The following NOL8 variants were observed in gnomAD, a reference collection of about 807,000 sequenced individuals.
The protein encoded by NOL8 is nucleolar protein 8.
Under a neutral mutation model 116.1 loss-of-function variants are expected in NOL8, and 93 were observed. The observed-to-expected ratio is 0.80, with a 90% CI of 0.68 to 0.95. NOL8 has a LOEUF of 0.95. Among genes scored for constraint, NOL8 ranks in the 40% least tolerant of loss-of-function variants. NOL8 has a pLI of 0.00. For synonymous variants in NOL8, 419 were observed against 469.0 expected (o/e 0.89, Z 1.38); for missense variants, 1,291 against 1,382.8 (o/e 0.93, Z 1.05).
rs774176859 is a variant in NOL8 at position 92,311,229 on chromosome 9, T to G, written c.2389A>C (p.Ile797Leu). ...CATTCACTGTCAGAACCGAAGATGA[T>G]GTGCGTTGGCTTATCCTCTGGATGA... Reference protein sequence around the residue: ...DGHPEDKPTHIIFGSDSECET... With the variant: ...DGHPEDKPTHLIFGSDSECET... The change falls in exon 8 of 17, where the codon ATC becomes CTC. Residue 797 changes from isoleucine (I) to leucine (L), a missense_variant. Coordinates refer to ENST00000442668, the MANE Select transcript of NOL8 (RefSeq NM_017948.6). 1 of 1,613,898 alleles carries G rather than the reference T, an allele frequency of 6.2e-7. No homozygotes were observed.
At chr9:92,307,376 C>T (rs962778971) in intron 10 of NOL8, among the ~76,000 whole-genome samples, 4 of 151,604 alleles carry the variant, frequency 2.6e-5, no homozygotes, top group African/African-American at 7.3e-5. Flanking sequence ...TTTTAACATT[C>T]TAAACATAAT....
Position 92,324,021 on chromosome 9 carries a change from A to G in NOL8, c.139+2T>C. 6.2e-7 allele frequency: 1 copy of G among 1,613,826 alleles called. No individual in the cohort carries two copies. The highest frequency in any genetic ancestry group is 8.5e-7 in the Non-Finnish European group (1 of 1,179,780). On this transcript the variant is annotated splice_donor_variant, in intron 2 of 16. Transcript: ENST00000442668. LOFTEE classifies it high-confidence loss of function. ...ACTGCCCAGTGAAGGACCATAAATTACCTTGGTCATCTTTCCGTGTGATGA... is the reference window on the plus strand; with the variant it reads ...ACTGCCCAGTGAAGGACCATAAATTGCCTTGGTCATCTTTCCGTGTGATGA...
Position 92,315,546 on chromosome 9 carries a change from A to T in NOL8, c.1079T>A (p.Val360Asp), listed in dbSNP as rs770192733. The change falls in exon 7 of 17, where the codon GTC (valine) becomes GAC (aspartate). Residue 360 changes from valine (V) to aspartate (D), a missense_variant. Coordinates refer to ENST00000442668, the MANE Select transcript of NOL8 (RefSeq NM_017948.6). ...SLIGLGIKNR[V>D]SCHDSDDDIM... is the part of the protein sequence containing the mutation. Reference sequence around the variant, plus strand: ...ATCATCATCACTATCATGGCAAGAGACACGATTTTTGATACCTAAACCTAT... The same window carrying T: ...ATCATCATCACTATCATGGCAAGAGTCACGATTTTTGATACCTAAACCTAT... 30 of 1,612,024 alleles carry T rather than the reference A, an allele frequency of 1.9e-5. No individual in the cohort carries two copies. The highest frequency in any genetic ancestry group is 2.5e-5 in the Non-Finnish European group (29 of 1,179,240).
At chr9:92,301,163 T>C (rs1837709910) in intron 13 of NOL8, among the ~76,000 whole-genome samples, 1 of 152,232 alleles carries the variant, frequency 6.6e-6, no homozygotes, top group Non-Finnish European at 1.5e-5. Context: ...AAAACCAAGG[T>C]TACCTATATC....
intron 6 of NOL8, among the ~76,000 whole-genome samples, chr9:92,316,362 C>T (rs1839412939): frequency 2.0e-5 from 3 of 152,072 alleles, no homozygotes; most frequent in Non-Finnish European, 4.4e-5. Flanking sequence ...TATTAGTTGG[C>T]AGAAATTACT....
At chr9:92,324,866 G>A (rs1840316509) in intron 1 of NOL8, 1 of 152,196 alleles carries the variant, frequency 6.6e-6, no homozygotes, top group Non-Finnish European at 1.5e-5. Flanking sequence ...CCATTTTTCA[G>A]GAGAGCAGAA....
chr9:92,305,723 C>T (rs764346776), intron 12 of NOL8, 30 bp downstream of exon 12: 2 of 1,403,748 alleles, frequency 1.4e-6, no homozygotes, highest in Admixed American at 1.7e-5. Context: ...TTTACATGAT[C>T]CTATTGCTAA....
intron 15 of NOL8, 25 bp downstream of exon 15, chr9:92,298,858 TA>T: frequency 7.3e-7 from 1 of 1,365,958 alleles, no homozygotes; most frequent in Non-Finnish European, 1.0e-6. Context: ...TCTATGTATG[TA>T]ATTTGATGAA....
intron 13 of NOL8, 115 bp downstream of exon 13, chr9:92,301,436 G>A (rs1418595663): frequency 1.3e-6 from 1 of 767,836 alleles, no homozygotes; most frequent in Non-Finnish European, 2.0e-6. Flanking sequence ...AATCTTCTAG[G>A]TAGAAGAAAG....
chr9:92,303,264 T>C (rs573006723), intron 12 of NOL8, among the ~76,000 whole-genome samples: 66 of 152,256 alleles, frequency 4.3e-4, no homozygotes, highest in Non-Finnish European at 7.9e-4. Context: ...AAACATGGTC[T>C]AAAGAAGGGG....
Position 92,301,557 on chromosome 9 carries a change from TTA to T in NOL8, c.3167_3168del (p.Ile1056LysfsTer8). ...FSFFDSDTKD[I>X]KEETYRVETV... is the part of the protein sequence containing the mutation. ...TGGGAAAAAAGAAAAGTACCTTCCT[TTA>T]TGTCTTTAGTGTCTGAATCAAAAAA... On this transcript the variant is annotated frameshift_variant, in exon 13 of 17. Transcript: ENST00000442668. LOFTEE classifies it high-confidence loss of function. 1 of 1,585,776 alleles carries T rather than the reference TTA, an allele frequency of 6.3e-7. No homozygotes were observed. Among genetic ancestry groups the T allele is most frequent in the Admixed American group, 1.9e-5 (1 of 53,382 alleles).
At chr9:92,311,384 A>G in intron 7 of NOL8, 125 bp from the exon 8 acceptor site, 7 of 609,092 alleles carry the variant, frequency 1.1e-5, no homozygotes, top group Non-Finnish European at 2.0e-5. Context: ...CTGCACAGCA[A>G]AAGAAAAACT....
chr9:92,318,992 A>C, intron 5 of NOL8: 1 of 518,806 alleles, frequency 1.9e-6, no homozygotes, highest in Non-Finnish European at 3.3e-6. Flanking sequence ...GTCCCTTGAA[A>C]GTCCACCTCT....
Position 92,299,979 on chromosome 9 carries a change from A to G in NOL8, c.3213T>C (p.Ile1071=). 6.2e-7 allele frequency: 1 copy of G among 1,613,616 alleles called. No homozygotes were observed. Among genetic ancestry groups the G allele is most frequent in the Non-Finnish European group, 8.5e-7 (1 of 1,179,638 alleles). ...YRVETVKPGK[I]VWQEDPRLQD... is the part of the protein sequence containing the mutation. ...GTAAACGAGGGTCTTCCTGCCAGAC[A>G]ATCTTTCCAGGTTTCACTGTTTCAA... Residue 1071 remains isoleucine, a synonymous_variant, in exon 14 of 17, where the codon ATT becomes ATC. Coordinates refer to ENST00000442668, the MANE Select transcript of NOL8 (RefSeq NM_017948.6).
intron 10 of NOL8, among the ~76,000 whole-genome samples, chr9:92,307,662 A>G (rs141637849): frequency 9.8e-5 from 15 of 152,364 alleles, no homozygotes; most frequent in African/African-American, 3.1e-4. Context: ...GACTCTTTCA[A>G]CTTACTGCAG....
At position 92,297,888 on chromosome 9, in the gene NOL8, T is replaced by C. The variant is rs1162750173; in HGVS notation, c.3454-2A>G. 1.3e-6 allele frequency: 2 copies of C among 1,535,436 alleles called. No homozygotes were observed. Among genetic ancestry groups the C allele is most frequent in the Admixed American group, 4.2e-5 (2 of 47,626 alleles). On this transcript the variant is annotated splice_acceptor_variant, in intron 16 of 16. Coordinates refer to ENST00000442668, the MANE Select transcript of NOL8 (RefSeq NM_017948.6). LOFTEE classifies it high-confidence loss of function. ...GTCTTTATGTTTCTTTCGACAATCC[T>C]AGGAAAAAAAAAAGACTTGGTTAGC...
intron 6 of NOL8, 47 bp from the exon 7 acceptor site, chr9:92,316,185 A>G: frequency 6.5e-7 from 1 of 1,550,254 alleles, no homozygotes; most frequent in Non-Finnish European, 8.7e-7. Context: ...TTTTAGGAAA[A>G]CTCATCAATC....
intron 10 of NOL8, among the ~76,000 whole-genome samples, 175 bp from the exon 11 acceptor site, chr9:92,307,199 C>T (rs947262294): frequency 6.6e-6 from 1 of 152,168 alleles, no homozygotes; most frequent in African/African-American, 2.4e-5. Flanking sequence ...ATAGCAAACT[C>T]AGAAAGTCTG....
intron 12 of NOL8, among the ~76,000 whole-genome samples, chr9:92,303,338 T>C (rs905078951): frequency 6.6e-6 from 1 of 152,196 alleles, no homozygotes; most frequent in Non-Finnish European, 1.5e-5. Context: ...AACTGCAAGT[T>C]AAGGAATTTT....
Sources: allele counts gnomAD v4.1 joint callset (sites outside exome capture counted in the v4.1 genomes callset), GRCh38; gene constraint gnomAD v4.1.1; transcripts MANE v1.5; gene names NCBI Gene and HGNC (gene_info 2026-07-23, HGNC 2026-07-21).